Variants in ZFYVE28 observed in about 807,000 individuals in gnomAD.
The protein encoded by ZFYVE28 is zinc finger FYVE-type containing 28.
A neutral mutation model predicts 82.1 loss-of-function variants in ZFYVE28; 40 were observed. The observed-to-expected ratio is 0.49, with a 90% CI of 0.38 to 0.63. The LOEUF is 0.63. Among genes scored for constraint, ZFYVE28 ranks in the 30% least tolerant of loss-of-function variants. ZFYVE28 has a pLI of 0.00. For missense variants in ZFYVE28, 1,321 were observed against 1,242.1 expected (o/e 1.06, Z -0.96); for synonymous variants, 612 against 546.1 (o/e 1.12, Z -1.68).
intron 1 of ZFYVE28, among the ~76,000 whole-genome samples, chr4:2,373,003 C>T (rs1002787810): frequency 2.0e-5 from 3 of 152,120 alleles, no homozygotes; most frequent in Non-Finnish European, 2.9e-5. Context: ...TTACCCTATG[C>T]CTGAGCCAGC....
chr4:2,281,693 CT>C (rs1248983039), intron 8 of ZFYVE28, among the ~76,000 whole-genome samples: 3 of 152,240 alleles, frequency 2.0e-5, no homozygotes, highest in Non-Finnish European at 4.4e-5. Context: ...AACACATGAA[CT>C]TTGGGGCACA....
rs1250116376 is a variant in ZFYVE28 at position 2,414,455 on chromosome 4, A to G, written c.39+3830T>C. On this transcript the variant is annotated intron_variant, in intron 1 of 12. Coordinates refer to ENST00000290974, the MANE Select transcript of ZFYVE28 (RefSeq NM_020972.3). Reference sequence around the variant, plus strand: ...CCAAATACACATCACTCAGTAAGGCAGATTTATAAGGAATGTTCTCCTACA... The same window carrying G: ...CCAAATACACATCACTCAGTAAGGCGGATTTATAAGGAATGTTCTCCTACA... 2.0e-5 allele frequency among the ~76,000 whole-genome samples: 3 copies of G among 152,246 alleles called. No individual in the cohort carries two copies. In the East Asian group the frequency reaches 5.8e-4, roughly 29 times the overall value.
chr4:2,403,912 C>T (rs538622950), intron 1 of ZFYVE28, among the ~76,000 whole-genome samples: 13 of 146,784 alleles, frequency 8.9e-5, no homozygotes, highest in South Asian at 2.2e-4. Flanking sequence ...GAGGTTGCAG[C>T]GAGCAGATAT....
At chr4:2,284,436 G>T (rs1436007820) in intron 8 of ZFYVE28, among the ~76,000 whole-genome samples, 1 of 152,232 alleles carries the variant, frequency 6.6e-6, no homozygotes, top group South Asian at 2.1e-4. Flanking sequence ...ACGGGGCACA[G>T]TGGTGGACAA....
In ZFYVE28 at chr4:2,308,683, G is replaced by GAAAGAGAAAGA. The variant is rs1553830775; in HGVS notation, c.804-3148_804-3147insTCTTTCTCTTT. Among the ~76,000 whole-genome samples the GAAAGAGAAAGA allele has an allele frequency of 8.1e-4, 66 of 81,506 alleles. 1 individual carries two copies. Among genetic ancestry groups the GAAAGAGAAAGA allele is most frequent in the African/African-American group, 3.2e-3 (65 of 20,184 alleles). 53.5% of individuals were successfully genotyped at this position (81,506 alleles called of 152,430 possible). ...AAAGAAAGAAAGAAAGAAAGAGAAA[G>GAAAGAGAAAGA]AAAGAAAAGAAAAGAAAAGAAAAAA... On this transcript the variant is annotated intron_variant, in intron 7 of 12. Coordinates refer to ENST00000290974, the MANE Select transcript of ZFYVE28 (RefSeq NM_020972.3).
chr4:2,418,428 C>A lies in ZFYVE28; in HGVS notation c.-105G>T. 2.1e-6 allele frequency: 2 copies of A among 938,244 alleles called. No homozygotes were observed. The highest frequency in any genetic ancestry group is 1.3e-6 in the Non-Finnish European group (1 of 764,034). The allele number at this position is 938,244 out of a possible 1,614,324, so 58.1% of individuals were successfully genotyped here. ...CGGACGCGGAGGCACGGCCGGAGCCCCCGCGCTGTCGCAGGGAGGCTGGCT... is the reference window on the plus strand; with the variant it reads ...CGGACGCGGAGGCACGGCCGGAGCCACCGCGCTGTCGCAGGGAGGCTGGCT... On this transcript the variant is annotated 5_prime_UTR_variant, in exon 1 of 13. Transcript: ENST00000290974. The surrounding 1 kb of genome is among the most constrained non-coding windows in gnomAD (Gnocchi z 4.6).
intron 8 of ZFYVE28, 49 bp from the exon 9 acceptor site, chr4:2,274,265 G>C (rs1330159382): frequency 1.3e-6 from 2 of 1,585,718 alleles, no homozygotes; most frequent in Non-Finnish European, 1.7e-6. Flanking sequence ...ATGATAAGGG[G>C]CCGTGGAGCC....
intron 8 of ZFYVE28, among the ~76,000 whole-genome samples, chr4:2,302,583 C>A (rs1274915609): frequency 6.6e-6 from 1 of 152,238 alleles, no homozygotes; most frequent in African/African-American, 2.4e-5. Context: ...CCTCAAAATG[C>A]CACACACAGA....
At chr4:2,392,022 T>G (rs1729892763) in intron 1 of ZFYVE28, among the ~76,000 whole-genome samples, 1 of 151,786 alleles carries the variant, frequency 6.6e-6, no homozygotes, top group African/African-American at 2.4e-5. Context: ...GGTATGGTGG[T>G]GAGCGCCTAT....
rs149193016 is a variant in ZFYVE28, at chr4:2,304,919, G to A, written c.1421C>T (p.Ala474Val). The A allele has an allele frequency of 2.3e-4, 363 of 1,612,686 alleles. 2 individuals carry two copies. Among genetic ancestry groups the A allele is most frequent in the Admixed American group, 6.3e-4 (38 of 60,022 alleles). ...EAEGTDGASL[A>V]GTSSCSCLDS... ...CAGGCAGCTGCAGGAGCTGGTGCCC[G>A]CGAGGCTGGCCCCATCTGTGCCCTC... Residue 474 changes from alanine (A) to valine (V), a missense_variant, in exon 8 of 13, where the codon GCG (alanine) becomes GTG (valine). Around this residue, in one of 2 missense-constraint regions of ZFYVE28, gnomAD observed 978 missense variants for 833.7 expected, o/e 1.17. Transcript: ENST00000290974.
intron 6 of ZFYVE28, among the ~76,000 whole-genome samples, chr4:2,321,560 G>A (rs573579630): frequency 6.6e-6 from 1 of 152,086 alleles, no homozygotes; most frequent in Non-Finnish European, 1.5e-5. Flanking sequence ...TCTCCTTTGT[G>A]GCTCTTACAT....
intron 8 of ZFYVE28, among the ~76,000 whole-genome samples, chr4:2,276,059 T>C (rs552045970): frequency 3.0e-4 from 45 of 152,370 alleles, no homozygotes; most frequent in Non-Finnish European, 5.6e-4. Context: ...GGTATCTAAT[T>C]TAGGGACACA....
intron 2 of ZFYVE28, among the ~76,000 whole-genome samples, chr4:2,344,857 T>C (rs1205269747): frequency 1.3e-5 from 2 of 148,686 alleles, no homozygotes; most frequent in African/African-American, 2.5e-5. Flanking sequence ...GATCATGCCA[T>C]TGCACTCCAG....
chr4:2,361,179 C>T (rs1432764764), intron 1 of ZFYVE28, among the ~76,000 whole-genome samples: 6 of 152,018 alleles, frequency 3.9e-5, no homozygotes, highest in Non-Finnish European at 2.9e-5. Context: ...GAGTCAAACC[C>T]GTAAAGAAGG....
At chr4:2,378,091 G>A (rs1728350233) in intron 1 of ZFYVE28, among the ~76,000 whole-genome samples, 1 of 152,222 alleles carries the variant, frequency 6.6e-6, no homozygotes, top group Non-Finnish European at 1.5e-5. Context: ...TGTAATCCCA[G>A]CACTTTGGGA....
At chr4:2,281,866 A>G (rs570440973) in intron 8 of ZFYVE28, among the ~76,000 whole-genome samples, 6 of 152,284 alleles carry the variant, frequency 3.9e-5, no homozygotes, top group African/African-American at 1.4e-4. Context: ...CCAAAAGCCA[A>G]GTCTAGTGGG....
At chr4:2,273,402 G>A in intron 9 of ZFYVE28, 113 bp from the exon 10 acceptor site, 1 of 898,606 alleles carries the variant, frequency 1.1e-6, no homozygotes, top group Non-Finnish European at 1.7e-6. Context: ...AGGCCAGCGT[G>A]TTCTCAGATC....
chr4:2,288,161 G>A (rs771350310), intron 8 of ZFYVE28, among the ~76,000 whole-genome samples: 1 of 152,106 alleles, frequency 6.6e-6, no homozygotes, highest in Admixed American at 6.5e-5. Flanking sequence ...TGGAGGAGGC[G>A]GCCTGGCCTG....
rs184197449 is a variant in ZFYVE28, at chr4:2,313,323, T to C, written c.803+6847A>G. ...TGGTGCAGGCTGGAGTGCAGTGGGA[T>C]GACCTTAGCTCATTGCAACTTCTGC... On this transcript the variant is annotated intron_variant, in intron 7 of 12. Coordinates refer to ENST00000290974, the MANE Select transcript of ZFYVE28 (RefSeq NM_020972.3). Among the ~76,000 whole-genome samples, 342 of 152,112 alleles carry C rather than the reference T, an allele frequency of 2.2e-3. 1 individual carries two copies. The highest frequency in any genetic ancestry group is 4.0e-3 in the South Asian group (19 of 4,808).
Sources: allele counts gnomAD v4.1 joint callset (sites outside exome capture counted in the v4.1 genomes callset), GRCh38; gene constraint gnomAD v4.1.1; regional missense constraint gnomAD v4.1.1; non-coding constraint Gnocchi (gnomAD v3.1); transcripts MANE v1.5; gene names NCBI Gene and HGNC (gene_info 2026-07-23, HGNC 2026-07-21).